The following KDM2B variants were observed in gnomAD, a reference collection of about 807,000 sequenced individuals.
KDM2B encodes the protein lysine demethylase 2B.
In KDM2B, 26 loss-of-function variants were observed where a neutral mutation model predicts 150.0. The ratio of observed to expected loss-of-function variants is 0.17; its 90% CI spans 0.13 to 0.24. The LOEUF (loss-of-function observed/expected upper bound fraction) is 0.24. Ranked by LOEUF, KDM2B falls within the 10% of genes least tolerant of loss-of-function variation. The pLI, the probability that KDM2B is intolerant of heterozygous loss-of-function variation, is 1.00. For synonymous variants in KDM2B, 734 were observed against 729.5 expected, an observed-to-expected ratio of 1.01 and a Z score of -0.10; for missense variants, 1,265 against 1,816.9, an observed-to-expected ratio of 0.70 and a Z score of 5.52.
intron 12 of KDM2B, among the ~76,000 whole-genome samples, chr12:121,475,308 G>C (rs1281892793): frequency 7.9e-5 from 12 of 151,702 alleles, no homozygotes; most frequent in African/African-American, 2.9e-4. Flanking sequence ...AAACTTGGAG[G>C]CCAGGTGTGG....
intron 13 of KDM2B, among the ~76,000 whole-genome samples, chr12:121,450,588 G>A (rs541915143): frequency 2.6e-5 from 4 of 151,820 alleles, no homozygotes; most frequent in Non-Finnish European, 5.9e-5. Context: ...CATCGGGTGC[G>A]GTGGCTCACG....
the KDM2B span, chr12:121,420,239 T>A: frequency 6.2e-7 from 1 of 1,609,234 alleles, no homozygotes; most frequent in Non-Finnish European, 8.5e-7. Flanking sequence ...TGTATAAGTG[T>A]AGGTACAAAG....
intron 4 of KDM2B, among the ~76,000 whole-genome samples, chr12:121,566,576 G>A (rs535662286): frequency 4.9e-4 from 74 of 151,254 alleles, no homozygotes; most frequent in Non-Finnish European, 8.0e-4. Context: ...AGCCGAGATC[G>A]CGCCAATGCA....
intron 11 of KDM2B, among the ~76,000 whole-genome samples, chr12:121,499,719 G>A (rs1467086260): frequency 6.6e-6 from 1 of 151,740 alleles, no homozygotes; most frequent in Non-Finnish European, 1.5e-5. Flanking sequence ...AGGCCAAGGT[G>A]GACAAATCAC....
At chr12:121,529,756 C>G (rs1282060723) in intron 8 of KDM2B, among the ~76,000 whole-genome samples, 3 of 151,588 alleles carry the variant, frequency 2.0e-5, no homozygotes, top group Non-Finnish European at 4.4e-5. Flanking sequence ...ATGGCAAAAC[C>G]CCGTTGCTAC....
chr12:121,420,241 G>A, the KDM2B span: 1 of 1,608,866 alleles, frequency 6.2e-7, no homozygotes, highest in Non-Finnish European at 8.5e-7. Flanking sequence ...TATAAGTGTA[G>A]GTACAAAGTG....
intron 4 of KDM2B, among the ~76,000 whole-genome samples, chr12:121,559,573 A>G (rs28520541): frequency 0.29 from 44,374 of 151,970 alleles, 7,236 homozygotes; most frequent in East Asian, 0.5. Flanking sequence ...CAGGAGATGT[A>G]GGGAGAATCC....
At chr12:121,486,800 C>A (rs1364358165) in intron 12 of KDM2B, among the ~76,000 whole-genome samples, 1 of 151,330 alleles carries the variant, frequency 6.6e-6, no homozygotes, top group African/African-American at 2.4e-5. Context: ...TAATAATAAT[C>A]ATAATCATAA....
At chr12:121,516,758 T>G in intron 9 of KDM2B, 2 of 656,158 alleles carry the variant, frequency 3.0e-6, no homozygotes, top group South Asian at 3.4e-5. Flanking sequence ...CCTCAGGAGA[T>G]GACAACAAAA....
intron 12 of KDM2B, among the ~76,000 whole-genome samples, chr12:121,471,775 C>T (rs1880793229): frequency 1.3e-5 from 2 of 152,122 alleles, no homozygotes; most frequent in Non-Finnish European, 1.5e-5. Flanking sequence ...CAGAATGGAT[C>T]CTTTTAATGT....
chr12:121,574,075 C>T (rs1891315977), intron 4 of KDM2B, among the ~76,000 whole-genome samples: 1 of 152,164 alleles, frequency 6.6e-6, no homozygotes, highest in African/African-American at 2.4e-5. Flanking sequence ...AGTACTAAGT[C>T]ATCAGCCACC....
Position 121,444,518 on chromosome 12 carries a change from C to T in KDM2B, c.2122G>A (p.Val708Met), listed in dbSNP as rs782607606. ...GCLKIKESEG[V>M]VNDELPNCWE... The stretch of plus-strand genomic sequence containing the variant: ...CAGTTTGGAAGCTCGTCGTTGACCA[C>T]ACCCTCTGACTCCTTAATCTGCGGG... Residue 708 changes from valine (V) to methionine (M), a missense_variant, in exon 15 of 23, where the codon GTG becomes ATG. Val to Met is a conservative substitution (Grantham distance 21). Around this residue, in one of 11 missense-constraint regions of KDM2B, gnomAD observed 38 missense variants for 98.1 expected, o/e 0.39. Coordinates refer to ENST00000377071, the MANE Select transcript of KDM2B (RefSeq NM_032590.5). The T allele has an allele frequency of 6.2e-7, 1 of 1,614,152 alleles. No homozygotes were observed. The highest frequency in any genetic ancestry group is 1.1e-5 in the South Asian group (1 of 91,088).
intron 4 of KDM2B, among the ~76,000 whole-genome samples, chr12:121,564,950 G>A (rs1234450347): frequency 6.6e-6 from 1 of 151,276 alleles, no homozygotes; most frequent in African/African-American, 2.4e-5. Context: ...TGCCTCAGCT[G>A]GATAGGAGAG....
chr12:121,561,424 C>T (rs1233822099), intron 4 of KDM2B, among the ~76,000 whole-genome samples: 4 of 152,128 alleles, frequency 2.6e-5, no homozygotes, highest in East Asian at 1.9e-4. Context: ...GGTTCAAATC[C>T]GACTCTGCTC....
intron 12 of KDM2B, among the ~76,000 whole-genome samples, chr12:121,488,303 A>C (rs550350466): frequency 1.1e-4 from 17 of 152,306 alleles, no homozygotes; most frequent in Admixed American, 7.2e-4. Context: ...GATTTCTATC[A>C]AGAACATCAA....
intron 4 of KDM2B, among the ~76,000 whole-genome samples, chr12:121,561,014 C>G (rs1216080940): frequency 6.6e-6 from 1 of 152,146 alleles, no homozygotes; most frequent in Non-Finnish European, 1.5e-5. Context: ...GCCTGGAGTT[C>G]CTAGGCAGGC....
At chr12:121,425,988 C>T (rs1240013098), downstream of KDM2B, among the ~76,000 whole-genome samples, 1 of 152,170 alleles carries the variant, frequency 6.6e-6, no homozygotes, top group East Asian at 1.9e-4. Context: ...AGGATAGTCT[C>T]AATCTCCTGA....
intron 12 of KDM2B, chr12:121,493,791 A>G (rs1323747388): frequency 6.6e-6 from 1 of 152,172 alleles, no homozygotes; most frequent in African/African-American, 2.4e-5. Context: ...GTCCTCAACA[A>G]TACAGCCATT....
chr12:121,465,805 G>A (rs1555294637), intron 12 of KDM2B, among the ~76,000 whole-genome samples: 5 of 152,140 alleles, frequency 3.3e-5, no homozygotes. Context: ...GCAAACTGTC[G>A]CAGGATTAAG....
Sources: gnomAD v4.1 joint callset for allele counts (sites outside exome capture counted in the v4.1 genomes callset) on GRCh38, gnomAD v4.1.1 for gene constraint, gnomAD v4.1.1 regional missense constraint, MANE v1.5 for transcripts, NCBI Gene and HGNC (gene_info 2026-07-23, HGNC 2026-07-21) for gene names.